The following CDCA7L variants were observed in gnomAD, a reference collection of about 807,000 sequenced individuals.
CDCA7L encodes the protein cell division cycle associated 7 like.
CDCA7L carries 44 observed loss-of-function variants against 57.4 expected under a neutral mutation model. The ratio of observed to expected loss-of-function variants is 0.77; its 90% CI spans 0.60 to 0.98. CDCA7L has a LOEUF of 0.98. CDCA7L is among the 50% of genes least tolerant of loss of function. CDCA7L has a pLI of 0.00. For synonymous variants in CDCA7L, 236 were observed against 202.8 expected (o/e 1.16, Z -1.39); for missense variants, 644 against 580.6 (o/e 1.11, Z -1.12).
chr7:21,903,201 G>C, intron 8 of CDCA7L, 87 bp from the exon 9 acceptor site: 1 of 1,313,708 alleles, frequency 7.6e-7, no homozygotes, highest in Non-Finnish European at 1.0e-6. Context: ...GGCTCAGCTG[G>C]CCTCTCCTCC....
intron 9 of CDCA7L, 45 bp downstream of exon 9, chr7:21,902,933 C>CTCAAGATTTCAAGCTGTTTTGT: frequency 6.3e-7 from 1 of 1,594,630 alleles, no homozygotes; most frequent in South Asian, 1.1e-5. Flanking sequence ...TGTGCTCAGC[C>CTCAAGATTTCAAGCTGTTTTGT]TCAAGATTTC....
At position 21,901,077 on chromosome 7, in the gene CDCA7L, G is replaced by T. The variant is rs201444942; in HGVS notation, c.*1245C>A. 9 of 1,613,806 alleles carry T rather than the reference G, an allele frequency of 5.6e-6. No homozygotes were observed. Among genetic ancestry groups the T allele is most frequent in the Admixed American group, 5.0e-5 (3 of 59,994 alleles). On this transcript the variant is annotated 3_prime_UTR_variant, in exon 10 of 10. Transcript: ENST00000406877. Reference sequence around the variant, plus strand: ...TCAAGGAGCTGGCATGCCCTATGCCGGTCATCTTTGCAAAAGCCACCCCCG... The same window carrying T: ...TCAAGGAGCTGGCATGCCCTATGCCTGTCATCTTTGCAAAAGCCACCCCCG...
chr7:21,922,859 T>C (rs1785698387), intron 1 of CDCA7L, among the ~76,000 whole-genome samples: 1 of 152,154 alleles, frequency 6.6e-6, no homozygotes. Flanking sequence ...TTATGACACA[T>C]GCCACAACAT....
At position 21,902,201 on chromosome 7, in the gene CDCA7L, T is replaced by C; in HGVS notation, c.*121A>G. The C allele has an allele frequency of 1.0e-6, 1 of 974,386 alleles. No homozygotes were observed. Among genetic ancestry groups the C allele is most frequent in the Non-Finnish European group, 1.6e-6 (1 of 613,968 alleles). 60.4% of individuals were successfully genotyped at this position (974,386 alleles called of 1,614,324 possible). On this transcript the variant is annotated 3_prime_UTR_variant, in exon 10 of 10. Transcript: ENST00000406877. Reference sequence around the variant, plus strand: ...AACAATCTTTAACAAAAAATAGTAATTTCTACAAAGAATTTCTGTATAAAA... The same window carrying C: ...AACAATCTTTAACAAAAAATAGTAACTTCTACAAAGAATTTCTGTATAAAA...
chr7:21,909,111 G>A (rs1029730491), intron 3 of CDCA7L, among the ~76,000 whole-genome samples: 2 of 152,190 alleles, frequency 1.3e-5, no homozygotes, highest in Non-Finnish European at 2.9e-5. Context: ...ACAGGTTGTA[G>A]CAAAACACCA....
chr7:21,903,990 G>A, intron 8 of CDCA7L, 120 bp downstream of exon 8: 1 of 918,684 alleles, frequency 1.1e-6, no homozygotes, highest in Non-Finnish European at 1.5e-6. Flanking sequence ...AGATACAAAT[G>A]GAAGGGAAAA....
rs1401302083 is a variant in CDCA7L at position 21,904,200 on chromosome 7, G to T, written c.1107C>A (p.Asn369Lys). ...GTCCTCGCACACCACAGCAACCCTG[G>T]TTCCGACACACTGTCTTGGTGTCGA... is the stretch of plus-strand genomic sequence containing the variant. The part of the protein sequence containing the change: ...KTIDTKTVCR[N>K]QGCCGVRGQF... Residue 369 changes from asparagine to lysine, a missense_variant, in exon 8 of 10, where the codon AAC becomes AAA. Coordinates refer to ENST00000406877, the MANE Select transcript of CDCA7L (RefSeq NM_018719.5). 8 of 1,613,766 alleles carry T rather than the reference G, an allele frequency of 5.0e-6. No individual in the cohort carries two copies. Among genetic ancestry groups the T allele is most frequent in the Non-Finnish European group, 6.8e-6 (8 of 1,179,828 alleles).
intron 1 of CDCA7L, among the ~76,000 whole-genome samples, chr7:21,942,887 G>A (rs1786386095): frequency 6.6e-6 from 1 of 152,174 alleles, no homozygotes; most frequent in South Asian, 2.1e-4. Context: ...GATCAGATGG[G>A]AGCACTTTGC....
At chr7:21,941,937 C>A (rs1786353086) in intron 1 of CDCA7L, among the ~76,000 whole-genome samples, 1 of 152,148 alleles carries the variant, frequency 6.6e-6, no homozygotes, top group Admixed American at 6.5e-5. Flanking sequence ...AACCCAAGGT[C>A]CCCCAGGTCC....
intron 1 of CDCA7L, among the ~76,000 whole-genome samples, chr7:21,939,426 T>C (rs1786273489): frequency 6.6e-6 from 1 of 152,224 alleles, no homozygotes; most frequent in Admixed American, 6.5e-5. Flanking sequence ...ATTTTAGATA[T>C]GTATTTACAC....
intron 2 of CDCA7L, among the ~76,000 whole-genome samples, chr7:21,913,327 G>C (rs1785390510): frequency 6.6e-6 from 1 of 150,804 alleles, no homozygotes; most frequent in African/African-American, 2.4e-5. Context: ...CTGTAGTGCA[G>C]CTGCTTGAGA....
Position 21,901,410 on chromosome 7 carries a change from TACTAGAA to T in CDCA7L, c.*905_*911del, listed in dbSNP as rs770009792. 335 of 1,076,496 alleles carry T rather than the reference TACTAGAA, an allele frequency of 3.1e-4. No individual in the cohort carries two copies. The highest frequency in any genetic ancestry group is 3.0e-4 in the Non-Finnish European group (245 of 812,824). 66.7% of individuals were successfully genotyped at this position (1,076,496 alleles called of 1,614,324 possible). A position where few individuals can be genotyped will look rare whatever the true frequency, so the allele number is the denominator to read the frequency against. The stretch of plus-strand genomic sequence containing the variant: ...CCTTAGAGTGAAAGTCAGAAAAAAA[TACTAGAA>T]ACTAACTCAGGGCTGAGCGTGGTGG... On this transcript the variant is annotated 3_prime_UTR_variant, in exon 10 of 10. Transcript: ENST00000406877.
intron 1 of CDCA7L, among the ~76,000 whole-genome samples, chr7:21,923,935 T>G (rs186747431): frequency 1.1e-3 from 167 of 152,318 alleles, no homozygotes; most frequent in Non-Finnish European, 1.4e-3. Flanking sequence ...ATTTTGACCT[T>G]TGTCAGCCTG....
intron 3 of CDCA7L, among the ~76,000 whole-genome samples, chr7:21,909,876 A>G (rs1785260136): frequency 6.6e-6 from 1 of 152,162 alleles, no homozygotes; most frequent in Non-Finnish European, 1.5e-5. Context: ...GGATGTGGTT[A>G]TTTCGCATCC....
intron 1 of CDCA7L, among the ~76,000 whole-genome samples, chr7:21,929,458 T>C (rs1785934124): frequency 6.6e-6 from 1 of 151,858 alleles, no homozygotes; most frequent in Admixed American, 6.6e-5. Flanking sequence ...CATAACAATA[T>C]TAATCTTAAG....
At chr7:21,938,279 A>G (rs1043664856) in intron 1 of CDCA7L, among the ~76,000 whole-genome samples, 2 of 152,190 alleles carry the variant, frequency 1.3e-5, no homozygotes, top group African/African-American at 4.8e-5. Context: ...CAGGTGACCA[A>G]CGGGCACAAG....
At chr7:21,925,189 T>C (rs1234973709) in intron 1 of CDCA7L, among the ~76,000 whole-genome samples, 2 of 152,024 alleles carry the variant, frequency 1.3e-5, no homozygotes, top group East Asian at 1.9e-4. Flanking sequence ...ATGAAATATA[T>C]ACCATGGCCA....
Position 21,908,305 on chromosome 7 carries a change from C to A in CDCA7L, c.506G>T (p.Ser169Ile). The change falls in exon 4 of 10, where the codon AGC (serine) becomes ATC (isoleucine). Residue 169 changes from serine (S) to isoleucine (I), a missense_variant. Transcript: ENST00000406877. ...KNSSSEQLFS[S>I]ARLQNEKKTI... is the part of the protein sequence containing the mutation. ...TTTTTTCTCATTCTGTAAGCGTGCG[C>A]TAGAAAACAACTGCTCGGAAGAACT... The A allele has an allele frequency of 1.2e-6, 2 of 1,610,968 alleles. No individual in the cohort carries two copies. Among genetic ancestry groups the A allele is most frequent in the South Asian group, 2.2e-5 (2 of 90,520 alleles).
intron 9 of CDCA7L, 157 bp from the exon 10 acceptor site, chr7:21,902,509 C>A (rs1447237272): frequency 5.6e-6 from 4 of 709,038 alleles, no homozygotes; most frequent in Non-Finnish European, 9.9e-6. Flanking sequence ...ATCCGTATAC[C>A]CTCTGGTGTA....
Sources: allele counts gnomAD v4.1 joint callset (sites outside exome capture counted in the v4.1 genomes callset), GRCh38; gene constraint gnomAD v4.1.1; transcripts MANE v1.5; gene names NCBI Gene and HGNC (gene_info 2026-07-23, HGNC 2026-07-21).